Variants in CTNNA3 observed in about 807,000 individuals in gnomAD.
The protein encoded by CTNNA3 is catenin alpha 3, also known as catenin alpha-3.
CTNNA3 carries 76 observed loss-of-function variants against 95.7 expected under a neutral mutation model. The ratio of observed to expected loss-of-function variants is 0.79; its 90% CI spans 0.66 to 0.96. CTNNA3 has a LOEUF of 0.96. Among genes scored for constraint, CTNNA3 ranks in the 40% least tolerant of loss-of-function variants. CTNNA3 has a pLI of 0.00. For synonymous variants in CTNNA3, 431 were observed against 374.4 expected, an observed-to-expected ratio of 1.15 and a Z score of -1.74; for missense variants, 1,191 against 1,089.8, an observed-to-expected ratio of 1.09 and a Z score of -1.31.
intron 7 of CTNNA3, among the ~76,000 whole-genome samples, chr10:67,045,600 G>A (rs1031651381): frequency 6.6e-6 from 1 of 152,156 alleles, no homozygotes; most frequent in Non-Finnish European, 1.5e-5. Flanking sequence ...TGACGGGCAA[G>A]GGGGCAGCTG....
intron 7 of CTNNA3, among the ~76,000 whole-genome samples, chr10:66,850,635 C>T (rs779886428): frequency 3.3e-5 from 5 of 151,544 alleles, no homozygotes; most frequent in Non-Finnish European, 5.9e-5. Context: ...TGTATTTTGA[C>T]TACTATTCTT....
chr10:67,438,462 T>A (rs542871449), intron 5 of CTNNA3, among the ~76,000 whole-genome samples: 1 of 152,176 alleles, frequency 6.6e-6, no homozygotes, highest in African/African-American at 2.4e-5. Context: ...GCATCTAAAA[T>A]TAAATATTCA....
chr10:66,239,227 TA>T, intron 13 of CTNNA3, among the ~76,000 whole-genome samples: 2 of 151,474 alleles, frequency 1.3e-5, no homozygotes, highest in Non-Finnish European at 3.0e-5. Flanking sequence ...ATTTTACAAA[TA>T]ATTACATTTT....
chr10:67,567,121 T>C (rs1841833233), intron 3 of CTNNA3, among the ~76,000 whole-genome samples: 1 of 151,370 alleles, frequency 6.6e-6, no homozygotes, highest in East Asian at 1.9e-4. Flanking sequence ...TGTATATATA[T>C]GTAACTAACC....
At chr10:65,956,752 A>G (rs2077739712) in intron 17 of CTNNA3, among the ~76,000 whole-genome samples, 1 of 152,120 alleles carries the variant, frequency 6.6e-6, no homozygotes, top group African/African-American at 2.4e-5. Flanking sequence ...GGTCTGAGAG[A>G]CAGTTTGCTA....
chr10:67,201,080 C>A (rs1047826513), intron 6 of CTNNA3, among the ~76,000 whole-genome samples: 2 of 152,102 alleles, frequency 1.3e-5, no homozygotes, highest in African/African-American at 2.4e-5. Flanking sequence ...TTGGGCCTCC[C>A]TCCCTGTCCA....
intron 9 of CTNNA3, among the ~76,000 whole-genome samples, chr10:66,697,401 C>A (rs1414117541): frequency 6.8e-6 from 1 of 146,916 alleles, no homozygotes; most frequent in Non-Finnish European, 1.5e-5. Context: ...CACATACAAA[C>A]CTCCAATAAA....
intron 7 of CTNNA3, among the ~76,000 whole-genome samples, chr10:67,035,315 A>G (rs2133124282): frequency 6.6e-6 from 1 of 152,308 alleles, no homozygotes; most frequent in Non-Finnish European, 1.5e-5. Context: ...ACATCATCAT[A>G]TTTACTGTTG....
At chr10:66,822,133 C>T (rs1306467314) in intron 7 of CTNNA3, among the ~76,000 whole-genome samples, 1 of 148,640 alleles carries the variant, frequency 6.7e-6, no homozygotes, top group African/African-American at 2.5e-5. Flanking sequence ...ATATTTATGT[C>T]AATATATAAT....
intron 5 of CTNNA3, among the ~76,000 whole-genome samples, chr10:67,377,690 G>A (rs1187417978): frequency 1.3e-5 from 2 of 152,232 alleles, no homozygotes; most frequent in African/African-American, 2.4e-5. Context: ...ACATAGTGAT[G>A]TTTCAATGCC....
chr10:66,497,266 T>C (rs2131953838), intron 11 of CTNNA3, among the ~76,000 whole-genome samples: 1 of 151,924 alleles, frequency 6.6e-6, no homozygotes, highest in South Asian at 2.1e-4. Context: ...AGGCAGAAAG[T>C]GATAAAAGTT....
intron 13 of CTNNA3, among the ~76,000 whole-genome samples, chr10:66,279,562 G>T (rs2091458549): frequency 6.6e-6 from 1 of 151,944 alleles, no homozygotes; most frequent in African/African-American, 2.4e-5. Context: ...TTCATGTCAG[G>T]TAAGATAATT....
chr10:66,971,910 TAAA>T, intron 7 of CTNNA3, among the ~76,000 whole-genome samples: 2 of 152,076 alleles, frequency 1.3e-5, no homozygotes, highest in African/African-American at 4.8e-5. Context: ...CTTTTTTTTT[TAAA>T]CATGCTAATG....
chr10:66,433,002 T>C (rs1272361859), intron 11 of CTNNA3, among the ~76,000 whole-genome samples: 6 of 152,218 alleles, frequency 3.9e-5, no homozygotes, highest in Non-Finnish European at 8.8e-5. Context: ...GGCTGCATAG[T>C]ATTCTATGGT....
intron 15 of CTNNA3, among the ~76,000 whole-genome samples, chr10:66,030,166 CATT>C (rs1589268493): frequency 6.6e-6 from 1 of 152,068 alleles, no homozygotes; most frequent in African/African-American, 2.4e-5. Context: ...ACAGATTCAA[CATT>C]ATTCCTATTG....
At chr10:66,211,270 TA>T (rs1242313894) in intron 13 of CTNNA3, among the ~76,000 whole-genome samples, 1 of 152,104 alleles carries the variant, frequency 6.6e-6, no homozygotes, top group Non-Finnish European at 1.5e-5. Context: ...AAGCAGCACA[TA>T]AAAACTGAAA....
chr10:66,113,868 C>G (rs60989399), intron 13 of CTNNA3, among the ~76,000 whole-genome samples: 1,786 of 152,142 alleles, frequency 0.012, 43 homozygotes, highest in African/African-American at 0.041. Flanking sequence ...GGGTTCTTCA[C>G]GCACAGCAAT....
chr10:67,462,654 TA>T (rs913338328), intron 5 of CTNNA3, among the ~76,000 whole-genome samples: 2 of 152,132 alleles, frequency 1.3e-5, no homozygotes, highest in African/African-American at 4.8e-5. Flanking sequence ...GCTCACATAA[TA>T]AAAAGGTGTC....
At chr10:67,733,172 C>T (rs999162651) in intron 1 of CTNNA3, among the ~76,000 whole-genome samples, 2 of 152,014 alleles carry the variant, frequency 1.3e-5, no homozygotes, top group African/African-American at 4.8e-5. Flanking sequence ...TTATTACACA[C>T]CTAAACATTT....
Sources: allele counts gnomAD v4.1 joint callset (sites outside exome capture counted in the v4.1 genomes callset), GRCh38; gene constraint gnomAD v4.1.1; transcripts MANE v1.5; gene names NCBI Gene and HGNC (gene_info 2026-07-23, HGNC 2026-07-21).